REPS1: variants seen among roughly 807,000 people sequenced by gnomAD.
The protein encoded by REPS1 is RALBP1 associated Eps domain containing 1, also known as ralBP1-associated Eps domain-containing protein 1.
REPS1 carries 39 observed loss-of-function variants against 100.9 expected under a neutral mutation model. That is an observed-to-expected ratio of 0.39 (90% CI 0.30 to 0.50). The LOEUF (loss-of-function observed/expected upper bound fraction) is 0.50, where lower values mean the gene tolerates loss of function less well. Ranked by LOEUF, REPS1 falls within the 20% of genes least tolerant of loss-of-function variation. The pLI is 0.86. For synonymous variants in REPS1, 324 were observed against 340.3 expected, an observed-to-expected ratio of 0.95 and a Z score of 0.53; for missense variants, 821 against 968.5, an observed-to-expected ratio of 0.85 and a Z score of 2.02.
At chr6:138,936,838 A>C (rs1332453119) in intron 8 of REPS1, among the ~76,000 whole-genome samples, 2 of 152,190 alleles carry the variant, frequency 1.3e-5, no homozygotes, top group African/African-American at 4.8e-5. Flanking sequence ...ACAACCCCAA[A>C]ATCCATCAAT....
At chr6:138,970,146 T>C (rs1219759364) in intron 1 of REPS1, among the ~76,000 whole-genome samples, 3 of 152,102 alleles carry the variant, frequency 2.0e-5, no homozygotes, top group Non-Finnish European at 2.9e-5. Context: ...GAGGCCACTA[T>C]AGTAGTTCAT....
At chr6:138,905,945 C>A (rs1465224302) in intron 19 of REPS1, among the ~76,000 whole-genome samples, 2 of 152,184 alleles carry the variant, frequency 1.3e-5, no homozygotes, top group Non-Finnish European at 2.9e-5. Flanking sequence ...CTATTTTTCT[C>A]TTTCAAATTG....
intron 2 of REPS1, among the ~76,000 whole-genome samples, chr6:138,945,981 T>C (rs1465497247): frequency 3.3e-5 from 5 of 152,136 alleles, no homozygotes; most frequent in African/African-American, 1.2e-4. Flanking sequence ...TGCCACTGAA[T>C]ATTTATTTCA....
intron 17 of REPS1, among the ~76,000 whole-genome samples, chr6:138,910,170 CTT>C (rs1269946357): frequency 6.6e-6 from 1 of 152,152 alleles, no homozygotes; most frequent in Non-Finnish European, 1.5e-5. Flanking sequence ...AGTTCTTACT[CTT>C]GAGTTCACAT....
Position 138,912,952 on chromosome 6 carries a change from TG to T in REPS1, c.1786-3del. On this transcript the variant is annotated splice_polypyrimidine_tract_variant and splice_region_variant and intron_variant, in intron 15 of 19. Coordinates refer to ENST00000450536, the MANE Select transcript of REPS1 (RefSeq NM_001286611.2). ...GCGATGCACAGCAGGACCAGGAGCC[TG>T]TGCAATGGTTCAGAACAGAGGAACA... 6.2e-7 allele frequency: 1 copy of T among 1,611,758 alleles called. No homozygotes were observed. The highest frequency in any genetic ancestry group is 8.5e-7 in the Non-Finnish European group (1 of 1,178,630).
At chr6:138,930,503 A>T (rs1028354421) in intron 8 of REPS1, among the ~76,000 whole-genome samples, 2 of 152,206 alleles carry the variant, frequency 1.3e-5, no homozygotes, top group African/African-American at 4.8e-5. Flanking sequence ...AGTTTGGGGA[A>T]ACAATAATTC....
chr6:138,907,890 C>A (rs182908014), intron 18 of REPS1, among the ~76,000 whole-genome samples: 170 of 152,012 alleles, frequency 1.1e-3, no homozygotes, highest in African/African-American at 3.9e-3. Context: ...CTGTAAAAAA[C>A]CAGATAGTAA....
chr6:138,982,206 A>G (rs1784993025), intron 1 of REPS1, among the ~76,000 whole-genome samples: 1 of 152,230 alleles, frequency 6.6e-6, no homozygotes, highest in African/African-American at 2.4e-5. Flanking sequence ...TTTTAAACTT[A>G]TCACTAATGC....
At chr6:138,934,026 A>T (rs2128461743) in intron 8 of REPS1, among the ~76,000 whole-genome samples, 1 of 152,348 alleles carries the variant, frequency 6.6e-6, no homozygotes, top group East Asian at 1.9e-4. Context: ...TCTGGGATAA[A>T]TTAGCAAATT....
At chr6:138,944,734 C>A (rs987794469) in intron 4 of REPS1, 112 bp from the exon 5 acceptor site, 4 of 1,024,502 alleles carry the variant, frequency 3.9e-6, no homozygotes, top group Non-Finnish European at 1.4e-6. Flanking sequence ...AAAATGGAAT[C>A]TTTTCTGTTC....
intron 13 of REPS1, among the ~76,000 whole-genome samples, chr6:138,916,468 A>T (rs919399545): frequency 2.6e-5 from 4 of 151,932 alleles, no homozygotes; most frequent in Admixed American, 6.6e-5. Flanking sequence ...TGATCCGCCC[A>T]CCTTAGCCTC....
At chr6:138,930,341 G>T (rs1469840093) in intron 8 of REPS1, among the ~76,000 whole-genome samples, 4 of 152,010 alleles carry the variant, frequency 2.6e-5, no homozygotes, top group Admixed American at 6.6e-5. Flanking sequence ...TAAAAAGAAG[G>T]TTATACATAA....
intron 19 of REPS1, among the ~76,000 whole-genome samples, chr6:138,907,055 T>G (rs1779698059): frequency 6.6e-6 from 1 of 152,200 alleles, no homozygotes; most frequent in African/African-American, 2.4e-5. Context: ...ATAAGCAGCA[T>G]TTCTATTTAA....
At chr6:138,968,354 T>C (rs1244096692) in intron 1 of REPS1, among the ~76,000 whole-genome samples, 1 of 152,196 alleles carries the variant, frequency 6.6e-6, no homozygotes, top group African/African-American at 2.4e-5. Flanking sequence ...TTTAATACAA[T>C]CCTCAAAAAT....
intron 1 of REPS1, among the ~76,000 whole-genome samples, chr6:138,971,652 A>C (rs957456225): frequency 2.6e-5 from 4 of 152,158 alleles, no homozygotes; most frequent in Non-Finnish European, 4.4e-5. Context: ...GAAAGCAGCA[A>C]TGTCTTGTCA....
rs774064933 is a variant in REPS1, at chr6:138,917,540, G to A, written c.1601+15C>T. On this transcript the variant is annotated intron_variant, in intron 13 of 19. Coordinates refer to ENST00000450536, the MANE Select transcript of REPS1 (RefSeq NM_001286611.2). ...AAGATAGTTTAACATGCTTTTCATT[G>A]ACAGAAATACTGACCTTTGACGAGT... 1.3e-6 allele frequency: 2 copies of A among 1,596,988 alleles called. No individual in the cohort carries two copies. The highest frequency in any genetic ancestry group is 2.2e-5 in the South Asian group (2 of 90,700).
At chr6:138,938,427 CCAA>C (rs776153362) in intron 8 of REPS1, among the ~76,000 whole-genome samples, 47 of 152,208 alleles carry the variant, frequency 3.1e-4, no homozygotes, top group Non-Finnish European at 6.0e-4. Flanking sequence ...TCAGTATGTT[CCAA>C]CATCATAAAC....
chr6:138,950,322 T>G (rs1027686604), intron 1 of REPS1, among the ~76,000 whole-genome samples: 5 of 152,080 alleles, frequency 3.3e-5, no homozygotes, highest in African/African-American at 1.2e-4. Flanking sequence ...AAAAAAAATT[T>G]AGTTAAAAAT....
At chr6:138,978,107 T>TTA (rs397728141) in intron 1 of REPS1, among the ~76,000 whole-genome samples, 18 of 151,650 alleles carry the variant, frequency 1.2e-4, no homozygotes, top group African/African-American at 1.2e-4. Context: ...TTTTTTTTTT[T>TTA]CCTTATAAGT....
Sources: gnomAD v4.1 joint callset for allele counts (sites outside exome capture counted in the v4.1 genomes callset) on GRCh38, gnomAD v4.1.1 for gene constraint, MANE v1.5 for transcripts, NCBI Gene and HGNC (gene_info 2026-07-23, HGNC 2026-07-21) for gene names.